Variants in ESCO2 observed in about 807,000 individuals in gnomAD.
The protein encoded by ESCO2 is N-acetyltransferase ESCO2.
A neutral mutation model predicts 61.7 loss-of-function variants in ESCO2; 51 were observed. The observed-to-expected ratio is 0.83, with a 90% CI of 0.66 to 1.04. The LOEUF (loss-of-function observed/expected upper bound fraction) is 1.04. Among genes scored for constraint, ESCO2 ranks in the 50% least tolerant of loss-of-function variants. The pLI, the probability that ESCO2 is intolerant of heterozygous loss-of-function variation, is 0.00. For missense variants in ESCO2, 692 were observed against 686.2 expected, an observed-to-expected ratio of 1.01 and a Z score of -0.09; for synonymous variants, 230 against 238.2, an observed-to-expected ratio of 0.97 and a Z score of 0.32.
chr8:27,799,420 A>AT (rs977037264), intron 9 of ESCO2, 121 bp from the exon 10 acceptor site: 4 of 1,033,882 alleles, frequency 3.9e-6, no homozygotes, highest in South Asian at 2.6e-5. Context: ...AATAGAAAAT[A>AT]TTTTTTAACA....
chr8:27,817,701 A>G, the ESCO2 span, among the ~76,000 whole-genome samples: 1 of 152,112 alleles, frequency 6.6e-6, no homozygotes, highest in Non-Finnish European at 1.5e-5. Flanking sequence ...GAATGAAACT[A>G]TAGGGTCAAA....
the ESCO2 span, among the ~76,000 whole-genome samples, chr8:27,818,220 A>T: frequency 6.6e-6 from 1 of 152,240 alleles, no homozygotes; most frequent in Non-Finnish European, 1.5e-5. Flanking sequence ...GTGTTACCAC[A>T]GCAAAACCTA....
At chr8:27,794,414 A>C (rs1805249824) in intron 9 of ESCO2, among the ~76,000 whole-genome samples, 1 of 152,190 alleles carries the variant, frequency 6.6e-6, no homozygotes, top group African/African-American at 2.4e-5. Flanking sequence ...CTTTTGAAAA[A>C]TATCTATTCT....
chr8:27,812,015 C>T (rs1805695674), downstream of ESCO2: 1 of 152,138 alleles, frequency 6.6e-6, no homozygotes, highest in Admixed American at 6.5e-5. Flanking sequence ...ACCTAAACAA[C>T]ATATCAACTG....
downstream of ESCO2, among the ~76,000 whole-genome samples, chr8:27,815,178 A>T (rs1805786380): frequency 6.6e-6 from 1 of 151,108 alleles, no homozygotes; most frequent in Admixed American, 6.6e-5. Flanking sequence ...TGAAACTAAC[A>T]TTTAAAGAAC....
downstream of ESCO2, chr8:27,808,141 A>G (rs1273848087): frequency 4.1e-6 from 3 of 737,392 alleles, no homozygotes; most frequent in Middle Eastern, 5.2e-4. Flanking sequence ...TAGTTTTTAT[A>G]TGTAGCATTT....
chr8:27,810,034 G>A (rs1479973852), downstream of ESCO2: 6 of 384,950 alleles, frequency 1.6e-5, no homozygotes, highest in South Asian at 7.3e-5. Flanking sequence ...AGTTTACAGC[G>A]TTTTACTGCT....
chr8:27,798,908 C>G (rs1012613902), intron 9 of ESCO2, among the ~76,000 whole-genome samples: 8 of 152,206 alleles, frequency 5.3e-5, no homozygotes, highest in Middle Eastern at 3.4e-3. Flanking sequence ...GGAAGAAGAT[C>G]TTTGTGGTGA....
chr8:27,802,453 C>T (rs1014681294), intron 10 of ESCO2, among the ~76,000 whole-genome samples: 23 of 148,100 alleles, frequency 1.6e-4, no homozygotes, highest in African/African-American at 5.7e-4. Flanking sequence ...TAAATAAATA[C>T]CAAATTAGCC....
chr8:27,816,362 T>TATATATATATATA (rs1491202470), downstream of ESCO2, among the ~76,000 whole-genome samples: 1 of 130,250 alleles, frequency 7.7e-6, no homozygotes, highest in African/African-American at 2.9e-5. Flanking sequence ...TATATATTTA[T>TATATATATATATA]TTATTTATTT....
intron 7 of ESCO2, among the ~76,000 whole-genome samples, chr8:27,790,778 G>A (rs1225121925): frequency 2.6e-5 from 4 of 152,104 alleles, no homozygotes; most frequent in African/African-American, 9.7e-5. Context: ...CAACATTACT[G>A]TTTGACTAGT....
intron 10 of ESCO2, among the ~76,000 whole-genome samples, chr8:27,801,905 G>T (rs11136009): frequency 4.1e-4 from 62 of 150,430 alleles, no homozygotes; most frequent in African/African-American, 1.5e-3. Flanking sequence ...TAATATTGAT[G>T]TAATGCTTTT....
rs1012040994 is a variant in ESCO2 at position 27,792,734 on chromosome 8, A to G, written c.1420A>G (p.Asn474Asp). ...CCAGCAAGTTGTTCCTAAATGTCCA[A>G]ACAAAATAAAAACTTTTCTTTTTAT... The part of the protein sequence containing the change: ...GFQQVVPKCP[N>D]KIKTFLFISD... Residue 474 changes from asparagine to aspartate, a missense_variant, in exon 9 of 11, where the codon AAC becomes GAC. Coordinates refer to ENST00000305188, the MANE Select transcript of ESCO2 (RefSeq NM_001017420.3). 1.9e-6 allele frequency: 3 copies of G among 1,611,316 alleles called. No individual in the cohort carries two copies. Among genetic ancestry groups the G allele is most frequent in the Admixed American group, 3.4e-5 (2 of 59,552 alleles).
intron 3 of ESCO2, chr8:27,777,473 A>AT (rs1804822137): frequency 4.7e-6 from 1 of 214,726 alleles, no homozygotes. Context: ...TAATTCTTGC[A>AT]TTTTTTGTAG....
intron 9 of ESCO2, among the ~76,000 whole-genome samples, chr8:27,793,315 A>G (rs1805219084): frequency 6.6e-6 from 1 of 152,070 alleles, no homozygotes; most frequent in Admixed American, 6.6e-5. Context: ...ATTAAGGTAT[A>G]ACTGACAAAA....
chr8:27,780,226 A>G lies in ESCO2; in HGVS notation c.914A>G (p.Glu305Gly). Residue 305 changes from glutamate (E) to glycine (G), a missense_variant, in exon 4 of 11, where the codon GAG becomes GGG. Physicochemically the swap from Glu to Gly is moderately conservative, Grantham distance 98. Transcript: ENST00000305188. Reference sequence around the variant, plus strand: ...AAGGAACATAAAGTTGATAAAAATGAGGCTTTTTCTTCAGAGGATTCTCTT... The same window carrying G: ...AAGGAACATAAAGTTGATAAAAATGGGGCTTTTTCTTCAGAGGATTCTCTT... ...SSKEHKVDKN[E>G]AFSSEDSLGE... is the part of the protein sequence containing the mutation. 1 of 1,612,492 alleles carries G rather than the reference A, an allele frequency of 6.2e-7. No homozygotes were observed. Among genetic ancestry groups the G allele is most frequent in the East Asian group, 2.2e-5 (1 of 44,768 alleles).
At chr8:27,803,175 A>C (rs1585413085) in intron 10 of ESCO2, 131 bp from the exon 11 acceptor site, 2 of 806,404 alleles carry the variant, frequency 2.5e-6, no homozygotes, top group East Asian at 5.3e-5. Context: ...TCTGTCTCTA[A>C]AATATAAGGC....
At chr8:27,787,143 A>C (rs1470541092) in intron 5 of ESCO2, among the ~76,000 whole-genome samples, 1 of 152,158 alleles carries the variant, frequency 6.6e-6, no homozygotes, top group Non-Finnish European at 1.5e-5. Context: ...TGAAATCTCT[A>C]GATTTTAAAA....
chr8:27,792,461 A>T (rs1388946092), intron 8 of ESCO2, among the ~76,000 whole-genome samples: 1 of 152,170 alleles, frequency 6.6e-6, no homozygotes, highest in East Asian at 1.9e-4. Flanking sequence ...GCTGAAAGTG[A>T]TCTTTAAAAT....
Sources: allele counts gnomAD v4.1 joint callset (sites outside exome capture counted in the v4.1 genomes callset), GRCh38; gene constraint gnomAD v4.1.1; transcripts MANE v1.5; gene names NCBI Gene and HGNC (gene_info 2026-07-23, HGNC 2026-07-21).